Variants in FSTL5 observed in about 807,000 individuals in gnomAD.
FSTL5 encodes the protein follistatin like 5, also known as follistatin-related protein 5.
FSTL5 carries 62 observed loss-of-function variants against 89.1 expected under a neutral mutation model. That is an observed-to-expected ratio of 0.70 (90% CI 0.57 to 0.86). The LOEUF (loss-of-function observed/expected upper bound fraction) is 0.86, where lower values mean the gene tolerates loss of function less well. Ranked by LOEUF, FSTL5 falls within the 40% of genes least tolerant of loss-of-function variation. The pLI is 0.00. For synonymous variants in FSTL5, 383 were observed against 346.2 expected (o/e 1.11, Z -1.18); for missense variants, 1,057 against 1,001.6 (o/e 1.06, Z -0.75).
At chr4:162,107,065 C>A (rs189036597) in intron 2 of FSTL5, among the ~76,000 whole-genome samples, 1 of 152,286 alleles carries the variant, frequency 6.6e-6, no homozygotes, top group Admixed American at 6.5e-5. Context: ...TGGTCCTAAC[C>A]AAGCACAAAA....
intron 3 of FSTL5, among the ~76,000 whole-genome samples, chr4:161,997,600 TC>T (rs1736334080): frequency 1.1e-5 from 1 of 87,568 alleles, no homozygotes; most frequent in Non-Finnish European, 2.4e-5. Flanking sequence ...ATACATGTTA[TC>T]TTTTTTTTTT....
rs1553961473 is a variant in FSTL5, at chr4:161,726,227, C to CTTTAT, written c.727+33183_727+33184insATAAA. ...CTCTTTTTTTTTCTTTTTTCTTTTT[C>CTTTAT]TTTTTTTTTTTTTTTTTGAGACGGA... is the stretch of plus-strand genomic sequence containing the variant. On this transcript the variant is annotated intron_variant, in intron 6 of 15. Coordinates refer to ENST00000306100, the MANE Select transcript of FSTL5 (RefSeq NM_020116.5). Among the ~76,000 whole-genome samples, 110 of 113,670 alleles carry CTTTAT rather than the reference C, an allele frequency of 9.7e-4. 1 individual carries two copies. Among genetic ancestry groups the CTTTAT allele is most frequent in the African/African-American group, 3.7e-3 (107 of 29,120 alleles). The allele number at this position is 113,670 out of a possible 152,430, so 74.6% of individuals were successfully genotyped here.
At chr4:161,603,101 A>G (rs1283977141) in intron 7 of FSTL5, among the ~76,000 whole-genome samples, 1 of 152,164 alleles carries the variant, frequency 6.6e-6, no homozygotes, top group African/African-American at 2.4e-5. Context: ...ATTTGAGGGT[A>G]CAGAGCTCTA....
At chr4:161,656,586 T>A in intron 6 of FSTL5, 92 bp from the exon 7 acceptor site, 2 of 682,444 alleles carry the variant, frequency 2.9e-6, no homozygotes, top group Non-Finnish European at 4.3e-6. Flanking sequence ...TTAAGGCTTT[T>A]AATTTGAATA....
At chr4:162,042,281 TTTG>T (rs1468067409) in intron 2 of FSTL5, among the ~76,000 whole-genome samples, 5 of 152,152 alleles carry the variant, frequency 3.3e-5, no homozygotes, top group Non-Finnish European at 7.4e-5. Flanking sequence ...CATCAGAAAG[TTTG>T]TTGTTGTTGT....
intron 7 of FSTL5, among the ~76,000 whole-genome samples, chr4:161,621,882 C>T (rs1482118031): frequency 6.7e-6 from 1 of 150,332 alleles, no homozygotes; most frequent in Non-Finnish European, 1.5e-5. Context: ...TCAATATTCC[C>T]AGGTACTCGG....
chr4:161,813,030 C>CTT (rs372383502), intron 4 of FSTL5, among the ~76,000 whole-genome samples: 32 of 141,274 alleles, frequency 2.3e-4, no homozygotes, highest in Non-Finnish European at 3.4e-4. Flanking sequence ...TGAAAGATCC[C>CTT]TTTTTTTTTT....
At chr4:161,611,218 G>A (rs1734630565) in intron 7 of FSTL5, among the ~76,000 whole-genome samples, 1 of 124,852 alleles carries the variant, frequency 8.0e-6, no homozygotes, top group Admixed American at 9.7e-5. Flanking sequence ...GTGTATATGT[G>A]TGTATGTGTA....
intron 6 of FSTL5, among the ~76,000 whole-genome samples, chr4:161,717,369 G>A (rs1739023666): frequency 1.3e-5 from 2 of 152,176 alleles, no homozygotes; most frequent in African/African-American, 4.8e-5. Flanking sequence ...TGGTTTCAGT[G>A]TCAGTAGCAA....
chr4:161,895,803 G>A (rs909965434), intron 4 of FSTL5, among the ~76,000 whole-genome samples: 1 of 152,088 alleles, frequency 6.6e-6, no homozygotes, highest in African/African-American at 2.4e-5. Context: ...ATGTGTTAGT[G>A]AGTGATTAGA....
chr4:162,130,319 A>G (rs1199452066), intron 1 of FSTL5, among the ~76,000 whole-genome samples: 1 of 152,202 alleles, frequency 6.6e-6, no homozygotes, highest in Non-Finnish European at 1.5e-5. Context: ...CGTGCATAAT[A>G]AAGAGGTTCA....
intron 4 of FSTL5, among the ~76,000 whole-genome samples, chr4:161,918,578 T>A (rs1209423453): frequency 6.6e-6 from 1 of 152,156 alleles, no homozygotes; most frequent in African/African-American, 2.4e-5. Context: ...GTATTATTCC[T>A]AAGCATACAG....
intron 4 of FSTL5, among the ~76,000 whole-genome samples, chr4:161,779,769 ATATATG>A (rs1553965239): frequency 0.071 from 1,769 of 24,876 alleles, 137 homozygotes; most frequent in Admixed American, 0.11. Flanking sequence ...TTATATATAT[ATATATG>A]TATATATATA....
chr4:161,829,206 T>C (rs976812791), intron 4 of FSTL5, among the ~76,000 whole-genome samples: 1 of 148,838 alleles, frequency 6.7e-6, no homozygotes, highest in Non-Finnish European at 1.5e-5. Context: ...GTCTATGTTA[T>C]ATAAATACAT....
At chr4:161,618,192 G>A (rs1293386437) in intron 7 of FSTL5, among the ~76,000 whole-genome samples, 1 of 139,746 alleles carries the variant, frequency 7.2e-6, no homozygotes, top group Non-Finnish European at 1.5e-5. Context: ...AGACTTTGCT[G>A]AAGTTGCTTA....
chr4:161,834,348 C>A (rs181332224), intron 4 of FSTL5, among the ~76,000 whole-genome samples: 6 of 152,094 alleles, frequency 3.9e-5, no homozygotes, highest in African/African-American at 1.4e-4. Context: ...CAATATCATA[C>A]TGAATGGGCA....
intron 2 of FSTL5, among the ~76,000 whole-genome samples, chr4:162,055,568 T>C (rs758551403): frequency 5.6e-4 from 84 of 149,938 alleles, no homozygotes; most frequent in Non-Finnish European, 8.9e-4. Flanking sequence ...GATAGACAAA[T>C]TGTAAGGCAA....
At chr4:162,090,203 T>C (rs1413648122) in intron 2 of FSTL5, among the ~76,000 whole-genome samples, 1 of 152,020 alleles carries the variant, frequency 6.6e-6, no homozygotes, top group Non-Finnish European at 1.5e-5. Context: ...TCATGACTGA[T>C]ACCAAAAACA....
chr4:161,820,363 C>T (rs1181688927), intron 4 of FSTL5, among the ~76,000 whole-genome samples: 2 of 152,008 alleles, frequency 1.3e-5, no homozygotes, highest in Non-Finnish European at 2.9e-5. Flanking sequence ...TTCAAATAGG[C>T]ATATATTAAG....
Sources: gnomAD v4.1 joint callset for allele counts (sites outside exome capture counted in the v4.1 genomes callset) on GRCh38, gnomAD v4.1.1 for gene constraint, MANE v1.5 for transcripts, NCBI Gene and HGNC (gene_info 2026-07-23, HGNC 2026-07-21) for gene names.